CFAP299: variants seen among roughly 807,000 people sequenced by gnomAD.
CFAP299 encodes cilia and flagella associated protein 299.
Under a neutral mutation model 27.0 loss-of-function variants are expected in CFAP299, and 21 were observed. The ratio of observed to expected loss-of-function variants is 0.78; its 90% CI spans 0.55 to 1.12. CFAP299 has a LOEUF of 1.12. Ranked by LOEUF, CFAP299 falls within the 50% of genes most tolerant of loss-of-function variation. The pLI is 0.00. For missense variants in CFAP299, 310 were observed against 276.6 expected (o/e 1.12, Z -0.86); for synonymous variants, 104 against 98.1 (o/e 1.06, Z -0.36).
chr4:80,586,945 CAG>C (rs1046906022), intron 3 of CFAP299, among the ~76,000 whole-genome samples: 1 of 152,096 alleles, frequency 6.6e-6, no homozygotes, highest in Non-Finnish European at 1.5e-5. Context: ...GCTTTTCCTT[CAG>C]AGTCATTCAA....
chr4:80,544,215 T>G lies in CFAP299; in HGVS notation c.243-38878T>G, dbSNP rs980768957. 2.6e-5 allele frequency among the ~76,000 whole-genome samples: 4 copies of G among 152,034 alleles called. No individual in the cohort carries two copies. The South Asian group carries it at 8.3e-4, about 31-fold the overall frequency. ...GAAGTCATAAAGGGAATACTAAACA[T>G]AAAAATGAAAGAACAATACCTGCAA... On this transcript the variant is annotated intron_variant, in intron 2 of 5. Coordinates refer to ENST00000358105, the MANE Select transcript of CFAP299 (RefSeq NM_152770.3).
rs17005003 is a variant in CFAP299, at chr4:80,920,789, G to T, written c.477-24021G>T. On this transcript the variant is annotated intron_variant, in intron 4 of 5. Transcript: ENST00000358105. ...CATGTGGAGTATTTAGAAAGGGAGA[G>T]TTCAGATGTGGATAAAGTAAGGGTG... Among the ~76,000 whole-genome samples the T allele has an allele frequency of 3.6e-3, 552 of 152,160 alleles. 2 individuals carry two copies. Among genetic ancestry groups the T allele is most frequent in the African/African-American group, 0.012 (518 of 41,526 alleles).
chr4:80,423,299 T>C (rs1727376790), intron 2 of CFAP299, among the ~76,000 whole-genome samples: 1 of 152,204 alleles, frequency 6.6e-6, no homozygotes, highest in African/African-American at 2.4e-5. Flanking sequence ...TTAAGATGTA[T>C]TTTAGACAAC....
chr4:80,559,553 A>G, intron 2 of CFAP299, among the ~76,000 whole-genome samples: 1 of 152,154 alleles, frequency 6.6e-6, no homozygotes, highest in East Asian at 1.9e-4. Flanking sequence ...TTAACTTTAT[A>G]TCACTAAAAG....
intron 3 of CFAP299, among the ~76,000 whole-genome samples, chr4:80,734,020 T>C (rs1723701287): frequency 6.6e-6 from 1 of 152,102 alleles, no homozygotes; most frequent in South Asian, 2.1e-4. Context: ...AGCTCTATTT[T>C]TAGTTTTTTA....
chr4:80,822,319 C>CT (rs1327636684), intron 3 of CFAP299, among the ~76,000 whole-genome samples: 3 of 151,838 alleles, frequency 2.0e-5, no homozygotes, highest in South Asian at 2.1e-4. Context: ...CAAGAAAAGC[C>CT]TTTTTTTAAA....
At chr4:80,794,739 T>C (rs544353077) in intron 3 of CFAP299, among the ~76,000 whole-genome samples, 17 of 152,290 alleles carry the variant, frequency 1.1e-4, no homozygotes, top group African/African-American at 3.6e-4. Context: ...GGCAGAAGCA[T>C]TGTGTGCAAG....
intron 3 of CFAP299, among the ~76,000 whole-genome samples, chr4:80,686,523 A>T (rs890234013): frequency 6.6e-6 from 1 of 152,224 alleles, no homozygotes; most frequent in East Asian, 1.9e-4. Context: ...TATTATATTT[A>T]TACAAATCCT....
At chr4:80,623,918 T>G (rs1438431157) in intron 3 of CFAP299, among the ~76,000 whole-genome samples, 1 of 152,168 alleles carries the variant, frequency 6.6e-6, no homozygotes, top group Non-Finnish European at 1.5e-5. Context: ...TGGCAGGCAG[T>G]TCTCAGTGTA....
At chr4:80,753,971 T>A (rs950118074) in intron 3 of CFAP299, among the ~76,000 whole-genome samples, 7 of 152,202 alleles carry the variant, frequency 4.6e-5, no homozygotes, top group African/African-American at 1.2e-4. Context: ...GTTAGATAGT[T>A]CAAACAATAC....
At chr4:80,451,688 G>A (rs1728912842) in intron 2 of CFAP299, among the ~76,000 whole-genome samples, 1 of 151,838 alleles carries the variant, frequency 6.6e-6, no homozygotes, top group African/African-American at 2.4e-5. Context: ...TCCTCTTTTG[G>A]CTGTTTTACA....
intron 4 of CFAP299, among the ~76,000 whole-genome samples, chr4:80,941,746 T>A (rs1737208000): frequency 6.6e-6 from 1 of 152,152 alleles, no homozygotes; most frequent in Admixed American, 6.6e-5. Flanking sequence ...CACATGCTTT[T>A]GGGGAGGTCT....
At chr4:80,673,143 A>C (rs1741602861) in intron 3 of CFAP299, among the ~76,000 whole-genome samples, 1 of 152,238 alleles carries the variant, frequency 6.6e-6, no homozygotes, top group East Asian at 1.9e-4. Flanking sequence ...TCTTGTGGGC[A>C]TTTAGTGCTA....
chr4:80,943,872 T>A (rs997683792), intron 4 of CFAP299, among the ~76,000 whole-genome samples: 3 of 151,894 alleles, frequency 2.0e-5, no homozygotes, highest in African/African-American at 7.2e-5. Flanking sequence ...ATCGAGACCA[T>A]CCTGGCCAAC....
intron 3 of CFAP299, among the ~76,000 whole-genome samples, chr4:80,740,632 G>A (rs765330423): frequency 1.2e-4 from 18 of 152,132 alleles, no homozygotes; most frequent in Non-Finnish European, 2.1e-4. Flanking sequence ...GTTCCCACAG[G>A]CCCTGGACAT....
chr4:80,335,641 C>G, upstream of CFAP299: 1 of 685,730 alleles, frequency 1.5e-6, no homozygotes, highest in African/African-American at 1.8e-5. Flanking sequence ...AACAAACCGC[C>G]GGGGGGTGGG....
At chr4:80,792,643 C>A (rs946948553) in intron 3 of CFAP299, among the ~76,000 whole-genome samples, 4 of 152,004 alleles carry the variant, frequency 2.6e-5, no homozygotes, top group Non-Finnish European at 4.4e-5. Context: ...GTAAATCATA[C>A]CTGGAATTTA....
At chr4:80,662,689 G>C (rs1406129470) in intron 3 of CFAP299, among the ~76,000 whole-genome samples, 1 of 152,180 alleles carries the variant, frequency 6.6e-6, no homozygotes, top group Non-Finnish European at 1.5e-5. Flanking sequence ...TAGATGCTAG[G>C]TGATAGATAA....
At chr4:80,377,121 G>T (rs182517169) in intron 2 of CFAP299, among the ~76,000 whole-genome samples, 2 of 151,634 alleles carry the variant, frequency 1.3e-5, no homozygotes, top group Non-Finnish European at 2.9e-5. Flanking sequence ...TTTGATAAAC[G>T]CCAGTTTATC....
Sources: allele counts gnomAD v4.1 joint callset (sites outside exome capture counted in the v4.1 genomes callset), GRCh38; gene constraint gnomAD v4.1.1; transcripts MANE v1.5; gene names NCBI Gene and HGNC (gene_info 2026-07-23, HGNC 2026-07-21).